SYS1: variants seen among roughly 807,000 people sequenced by gnomAD.
The protein encoded by SYS1 is protein SYS1 homolog.
SYS1 carries 8 observed loss-of-function variants against 17.8 expected under a neutral mutation model. That is an observed-to-expected ratio of 0.45 (90% CI 0.26 to 0.81). The LOEUF (loss-of-function observed/expected upper bound fraction) is 0.81, where lower values mean the gene tolerates loss of function less well. Ranked by LOEUF, SYS1 falls within the 40% of genes least tolerant of loss-of-function variation. The pLI is 0.16. For synonymous variants in SYS1, 95 were observed against 90.9 expected (o/e 1.05, Z -0.26); for missense variants, 161 against 203.9 (o/e 0.79, Z 1.28).
chr20:45,375,032 C>T lies in SYS1; in HGVS notation c.*738C>T, dbSNP rs115998555. On this transcript the variant is annotated 3_prime_UTR_variant, in exon 4 of 4. Transcript: ENST00000426004. ...ACCTAGCCTGGCAGTGTTGTTGTCACACCCACCTTGTATGGATGCCACATA... is the reference window on the plus strand; with the variant it reads ...ACCTAGCCTGGCAGTGTTGTTGTCATACCCACCTTGTATGGATGCCACATA... 4.7e-4 allele frequency: 756 copies of T among 1,608,958 alleles called. 6 individuals carry two copies. In the African/African-American group the frequency reaches 9.1e-3, roughly 19 times the overall value.
rs769684542 is a variant in SYS1 at position 45,375,127 on chromosome 20, C to A, written c.*833C>A. On this transcript the variant is annotated 3_prime_UTR_variant, in exon 4 of 4. Coordinates refer to the SYS1 transcript ENST00000426004. ...GACCCAACGCAGGGTGGAGGATCTG[C>A]ACATCACCCTGGGCGCCGGGAGGTG... 1.9e-6 allele frequency: 3 copies of A among 1,614,110 alleles called. No homozygotes were observed. The Admixed American group carries it at 5.0e-5, about 27-fold the overall frequency.
At position 45,366,089 on chromosome 20, in the gene SYS1, C is replaced by T. The variant is rs116432898; in HGVS notation, c.230+403C>T. Reference sequence around the variant, plus strand: ...GGACTCAGTGATGTCTAAGGTCACACGTAATCATTGCCTGTCTCTTAAGAG... The same window carrying T: ...GGACTCAGTGATGTCTAAGGTCACATGTAATCATTGCCTGTCTCTTAAGAG... On this transcript the variant is annotated intron_variant, in intron 3 of 3. Coordinates refer to ENST00000243918, the MANE Select transcript of SYS1 (RefSeq NM_033542.4). Among the ~76,000 whole-genome samples the T allele has an allele frequency of 4.7e-3, 708 of 152,256 alleles. 5 individuals carry two copies. Among genetic ancestry groups the T allele is most frequent in the African/African-American group, 0.016 (662 of 41,536 alleles).
rs1001245774 is a variant in SYS1, at chr20:45,365,411, T to C, written c.163-208T>C. The C allele has an allele frequency of 5.8e-6, 4 of 687,630 alleles. No homozygotes were observed. In the African/African-American group the frequency reaches 7.0e-5, roughly 12 times the overall value. 42.6% of individuals were successfully genotyped at this position (687,630 alleles called of 1,614,324 possible). A position where few individuals can be genotyped will look rare whatever the true frequency, so the allele number is the denominator to read the frequency against. On this transcript the variant is annotated intron_variant, in intron 2 of 3. Transcript: ENST00000243918. ...GTCCTCCTTTGTAAAATGAGAATAA[T>C]CCCTTTCCACCTGCTGTGAGAAACA...
chr20:45,363,147 G>A (rs541634159), upstream of SYS1: 1,128 of 1,022,230 alleles, frequency 1.1e-3, 1 homozygote, highest in Admixed American at 1.9e-3. Flanking sequence ...GCTTTCCCCG[G>A]AAACGTTTCT....
upstream of SYS1, among the ~76,000 whole-genome samples, chr20:45,362,706 C>G (rs567085788): frequency 6.6e-6 from 1 of 152,168 alleles, no homozygotes; most frequent in Non-Finnish European, 1.5e-5. Context: ...CTAACTGTGT[C>G]GTTGAAACAG....
chr20:45,364,724 GCCTC>G lies in SYS1; in HGVS notation c.163-892_163-889del, dbSNP rs1243851447. Among the ~76,000 whole-genome samples the G allele has an allele frequency of 2.6e-5, 4 of 152,154 alleles. No homozygotes were observed. The East Asian group carries it at 7.7e-4, about 29-fold the overall frequency. ...CTGACCTCGTGATCCGCCTGCCTCG[GCCTC>G]CCAAAGTGCTGGGATTACAGGCGTG... On this transcript the variant is annotated intron_variant, in intron 2 of 3. Coordinates refer to ENST00000243918, the MANE Select transcript of SYS1 (RefSeq NM_033542.4).
At chr20:45,375,251 A>G (rs1404947115) in exon 4 of SYS1, 2 of 1,614,214 alleles carry the variant, frequency 1.2e-6, no homozygotes, top group South Asian at 2.2e-5. Context: ...GGCTTAATGA[A>G]GATGACTCGG....
At chr20:45,375,676 C>T in exon 4 of SYS1, 2 of 1,212,546 alleles carry the variant, frequency 1.6e-6, no homozygotes, top group Non-Finnish European at 2.3e-6. Context: ...AAAGAAACTT[C>T]TCTACTGCCC....
At chr20:45,365,469 A>G in intron 2 of SYS1, 150 bp from the exon 3 acceptor site, 1 of 794,636 alleles carries the variant, frequency 1.3e-6, no homozygotes, top group East Asian at 2.4e-5. Flanking sequence ...CTATGAAAGC[A>G]CCTATTGGAA....
downstream of SYS1, among the ~76,000 whole-genome samples, chr20:45,371,458 A>G (rs73907924): frequency 0.027 from 4,134 of 152,300 alleles, 184 homozygotes; most frequent in African/African-American, 0.094. Flanking sequence ...CCTATCTGGC[A>G]TGTACTGCAA....
chr20:45,368,281 T>C lies in SYS1; in HGVS notation c.*1166T>C. ...CTCAGTGCAGGGAACTCTTACATCC[T>C]GTCTCCTTCACTTGCAGCGTCCCCT... On this transcript the variant is annotated 3_prime_UTR_variant, in exon 4 of 4. Coordinates refer to ENST00000243918, the MANE Select transcript of SYS1 (RefSeq NM_033542.4). 3 of 985,484 alleles carry C rather than the reference T, an allele frequency of 3.0e-6. No individual in the cohort carries two copies. The highest frequency in any genetic ancestry group is 2.4e-6 in the Non-Finnish European group (2 of 829,936). 61.0% of individuals were successfully genotyped at this position (985,484 alleles called of 1,614,324 possible). A position where few individuals can be genotyped will look rare whatever the true frequency, so the allele number is the denominator to read the frequency against.
chr20:45,375,654 A>G, exon 4 of SYS1: 9 of 1,434,614 alleles, frequency 6.3e-6, no homozygotes, highest in Non-Finnish European at 8.4e-6. Flanking sequence ...AAGAAAGGCT[A>G]GAGGGGCCTG....
exon 4 of SYS1, chr20:45,375,029 T>C: frequency 6.2e-7 from 1 of 1,607,616 alleles, no homozygotes; most frequent in Non-Finnish European, 8.5e-7. Context: ...AGTGTTGTTG[T>C]CACACCCACC....
At chr20:45,375,223 G>A (rs990813180) in exon 4 of SYS1, 2 of 1,614,060 alleles carry the variant, frequency 1.2e-6, no homozygotes. Context: ...GTGCCCCATG[G>A]GAGTTCTATT....
At chr20:45,365,880 T>G (rs949913133) in intron 3 of SYS1, 194 bp downstream of exon 3, 1 of 623,624 alleles carries the variant, frequency 1.6e-6, no homozygotes, top group African/African-American at 1.8e-5. Flanking sequence ...TGGAAAGCTC[T>G]TATGTCACTA....
At chr20:45,375,434 C>CT (rs765114936) in exon 4 of SYS1, 2 of 1,614,122 alleles carry the variant, frequency 1.2e-6, no homozygotes, top group South Asian at 2.2e-5. Context: ...TCCTTGTACT[C>CT]TTTTTTCTTA....
rs1326882268 is a variant in SYS1, at chr20:45,365,714, C to T, written c.230+28C>T. On this transcript the variant is annotated intron_variant, in intron 3 of 3. Transcript: ENST00000243918. ...GAGTATCACCAGTTTTGCTATCCAG[C>T]TTTTGGGCTCTTAGTGCTGGGACTA... The T allele has an allele frequency of 5.0e-6, 8 of 1,605,986 alleles. No homozygotes were observed. In the East Asian group the frequency reaches 1.3e-4, roughly 27 times the overall value.
exon 4 of SYS1, chr20:45,375,174 A>G (rs759586019): frequency 6.2e-7 from 1 of 1,614,150 alleles, no homozygotes; most frequent in Non-Finnish European, 8.5e-7. Context: ...GCAGCCCCTC[A>G]AACCAGATCC....
Position 45,363,523 on chromosome 20 carries a change from C to G in SYS1, c.-3-6C>G. ...GCTGGCTGAGGCCCGGCTCGTGTCCCTGCAGGGCATGGCGGGTCAGTTCCG... is the reference window on the plus strand; with the variant it reads ...GCTGGCTGAGGCCCGGCTCGTGTCCGTGCAGGGCATGGCGGGTCAGTTCCG... On this transcript the variant is annotated splice_region_variant and splice_polypyrimidine_tract_variant and intron_variant, in intron 1 of 3. Coordinates refer to ENST00000243918, the MANE Select transcript of SYS1 (RefSeq NM_033542.4). The G allele has an allele frequency of 1.3e-6, 2 of 1,590,678 alleles. No individual in the cohort carries two copies. The highest frequency in any genetic ancestry group is 1.7e-6 in the Non-Finnish European group (2 of 1,170,276).
Sources: allele counts gnomAD v4.1 joint callset (sites outside exome capture counted in the v4.1 genomes callset), GRCh38; gene constraint gnomAD v4.1.1; transcripts MANE v1.5; gene names NCBI Gene and HGNC (gene_info 2026-07-23, HGNC 2026-07-21).